NEXN: variants seen among roughly 807,000 people sequenced by gnomAD.
NEXN encodes the protein nexilin.
A neutral mutation model predicts 92.6 loss-of-function variants in NEXN; 65 were observed. The observed-to-expected ratio is 0.70, with a 90% CI of 0.57 to 0.86. NEXN has a LOEUF of 0.86. Among genes scored for constraint, NEXN ranks in the 40% least tolerant of loss-of-function variants. NEXN has a pLI of 0.00. For synonymous variants in NEXN, 254 were observed against 242.5 expected (o/e 1.05, Z -0.44); for missense variants, 778 against 771.1 (o/e 1.01, Z -0.11).
At chr1:77,936,485 C>T (rs910050788) in intron 11 of NEXN, among the ~76,000 whole-genome samples, 1 of 152,090 alleles carries the variant, frequency 6.6e-6, no homozygotes, top group East Asian at 1.9e-4. Context: ...GTCAGTAGAA[C>T]CAGTGTATAT....
At chr1:77,903,193 G>C (rs1215835996) in intron 1 of NEXN, among the ~76,000 whole-genome samples, 1 of 150,098 alleles carries the variant, frequency 6.7e-6, no homozygotes, top group Non-Finnish European at 1.5e-5. Flanking sequence ...AGGGCAGAAA[G>C]AATGGTGGGC....
chr1:77,929,221 G>GT, intron 8 of NEXN, 95 bp from the exon 9 acceptor site: 1 of 843,422 alleles, frequency 1.2e-6, no homozygotes, highest in Non-Finnish European at 2.0e-6. Flanking sequence ...TGAAACTCCT[G>GT]TGTGATAGTG....
intron 1 of NEXN, among the ~76,000 whole-genome samples, chr1:77,902,420 A>G (rs1647795831): frequency 6.7e-6 from 1 of 150,150 alleles, no homozygotes; most frequent in Admixed American, 6.8e-5. Context: ...AGTTTTCCCA[A>G]AAGAGAATAA....
chr1:77,922,266 A>G (rs1649482925), intron 5 of NEXN, among the ~76,000 whole-genome samples: 1 of 149,782 alleles, frequency 6.7e-6, no homozygotes, highest in African/African-American at 2.5e-5. Flanking sequence ...CAGCCTCCCA[A>G]GTAGCTGGGA....
intron 1 of NEXN, among the ~76,000 whole-genome samples, chr1:77,910,878 C>T (rs977883175): frequency 6.6e-6 from 1 of 151,804 alleles, no homozygotes. Context: ...CACTCTGTCA[C>T]CCAGGCTGGA....
chr1:77,927,560 A>T (rs1037117321), intron 8 of NEXN, among the ~76,000 whole-genome samples: 10 of 151,206 alleles, frequency 6.6e-5, no homozygotes, highest in African/African-American at 2.4e-4. Context: ...TATTAAGTGT[A>T]TGTGTGTGCA....
At chr1:77,912,646 G>A (rs375947213) in intron 1 of NEXN, among the ~76,000 whole-genome samples, 11 of 152,238 alleles carry the variant, frequency 7.2e-5, no homozygotes, top group Admixed American at 3.9e-4. Context: ...ATAGATCCAC[G>A]TAAATATAAT....
At position 77,942,804 on chromosome 1, in the gene NEXN, T is replaced by C; in HGVS notation, c.2003T>C (p.Ile668Thr). ...AAAGGATCTGCAGCTAGTACCTGTA[T>C]TCTTACCATTGAAAGTAAGAATTAA... ...NNKGSAASTC[I>T]LTIESKN The change falls in exon 13 of 13, where the codon ATT becomes ACT. Residue 668 changes from isoleucine to threonine, a missense_variant. By Grantham distance (89) the Ile-to-Thr change is moderately conservative. Coordinates refer to ENST00000334785, the MANE Select transcript of NEXN (RefSeq NM_144573.4). 1.2e-6 allele frequency: 2 copies of C among 1,610,614 alleles called. No individual in the cohort carries two copies. Among genetic ancestry groups the C allele is most frequent in the South Asian group, 1.1e-5 (1 of 90,766 alleles).
chr1:77,915,649 C>T (rs1250517082), intron 1 of NEXN, among the ~76,000 whole-genome samples: 1 of 151,892 alleles, frequency 6.6e-6, no homozygotes, highest in Non-Finnish European at 1.5e-5. Flanking sequence ...AAAAACAAAA[C>T]AAAACAAAAC....
chr1:77,936,276 C>G (rs80265571), intron 11 of NEXN, among the ~76,000 whole-genome samples: 4 of 152,182 alleles, frequency 2.6e-5, no homozygotes. Context: ...AAATGGTTCA[C>G]TCTAGCAAAA....
At chr1:77,933,604 C>T in intron 10 of NEXN, 125 bp downstream of exon 10, 1 of 774,128 alleles carries the variant, frequency 1.3e-6, no homozygotes, top group Admixed American at 2.3e-5. Context: ...TTATGAGGTG[C>T]TTACATGGTA....
At chr1:77,923,503 C>T (rs1415315691) in intron 5 of NEXN, among the ~76,000 whole-genome samples, 1 of 151,944 alleles carries the variant, frequency 6.6e-6, no homozygotes, top group Non-Finnish European at 1.5e-5. Flanking sequence ...TGAATTCTTA[C>T]TTTTTTAACG....
At position 77,926,416 on chromosome 1, in the gene NEXN, A is replaced by G. The variant is rs1571134764; in HGVS notation, c.492A>G (p.Glu164=). 6.3e-7 allele frequency: 1 copy of G among 1,586,660 alleles called. No homozygotes were observed. Among genetic ancestry groups the G allele is most frequent in the Non-Finnish European group, 8.6e-7 (1 of 1,159,734 alleles). ...NNTGTESASE[E]GDDSLLITVV... is the part of the protein sequence containing the mutation. ...TAATTATCTATTTTATAAAATAGGA[A>G]GGAGATGATTCACTACTTATAACTG... The change falls in exon 7 of 13, where the codon GAA becomes GAG. Residue 164 remains glutamate (E), a splice_region_variant and synonymous_variant. Transcript: ENST00000334785.
chr1:77,930,327 G>A (rs1571143968), intron 9 of NEXN, among the ~76,000 whole-genome samples: 1 of 152,128 alleles, frequency 6.6e-6, no homozygotes, highest in Non-Finnish European at 1.5e-5. Flanking sequence ...CAGTCACTAA[G>A]TCTCGTTTAT....
At chr1:77,906,001 GA>G (rs1460430044) in intron 1 of NEXN, among the ~76,000 whole-genome samples, 2 of 152,104 alleles carry the variant, frequency 1.3e-5, no homozygotes, top group African/African-American at 4.8e-5. Flanking sequence ...TTAAATCACA[GA>G]AGAAAAAGTG....
chr1:77,902,145 TTATC>T (rs1253481614), intron 1 of NEXN, among the ~76,000 whole-genome samples: 1 of 152,234 alleles, frequency 6.6e-6, no homozygotes, highest in Non-Finnish European at 1.5e-5. Flanking sequence ...GTTCACTAAT[TTATC>T]TTTTTCTGTT....
chr1:77,933,096 G>A (rs1185862581), intron 9 of NEXN, 186 bp from the exon 10 acceptor site: 2 of 466,006 alleles, frequency 4.3e-6, no homozygotes, highest in Admixed American at 3.7e-5. Flanking sequence ...GGGAGGCAGA[G>A]GTTGTAGTGA....
At chr1:77,892,324 G>T (rs543497310) in intron 1 of NEXN, among the ~76,000 whole-genome samples, 9 of 151,996 alleles carry the variant, frequency 5.9e-5, no homozygotes, top group Non-Finnish European at 7.4e-5. Context: ...CACCCAAATA[G>T]TGTACATTGT....
At chr1:77,903,093 A>G (rs1342371023) in intron 1 of NEXN, among the ~76,000 whole-genome samples, 1 of 152,188 alleles carries the variant, frequency 6.6e-6, no homozygotes, top group African/African-American at 2.4e-5. Flanking sequence ...TGCACTACAC[A>G]GTTAACATCC....
Sources: gnomAD v4.1 joint callset for allele counts (sites outside exome capture counted in the v4.1 genomes callset) on GRCh38, gnomAD v4.1.1 for gene constraint, MANE v1.5 for transcripts, NCBI Gene and HGNC (gene_info 2026-07-23, HGNC 2026-07-21) for gene names.